The following TUB variants were observed in gnomAD, a reference collection of about 807,000 sequenced individuals.
TUB encodes tubby protein homolog.
Under a neutral mutation model 59.7 loss-of-function variants are expected in TUB, and 33 were observed. That is an observed-to-expected ratio of 0.55 (90% CI 0.42 to 0.74). The LOEUF is 0.74. TUB is among the 30% of genes least tolerant of loss of function. The pLI, the probability that TUB is intolerant of heterozygous loss-of-function variation, is 0.00. For missense variants in TUB, 659 were observed against 672.0 expected (o/e 0.98, Z 0.21); for synonymous variants, 293 against 256.4 (o/e 1.14, Z -1.36).
In TUB at chr11:8,098,919, G is replaced by A. The variant is rs750674369; in HGVS notation, c.1116+44G>A. 3 of 1,422,074 alleles carry A rather than the reference G, an allele frequency of 2.1e-6. No homozygotes were observed. In the South Asian group the frequency reaches 3.5e-5, roughly 16 times the overall value. The allele number at this position is 1,422,074 out of a possible 1,614,324, so 88.1% of individuals were successfully genotyped here. A position where few individuals can be genotyped will look rare whatever the true frequency, so the allele number is the denominator to read the frequency against. ...GGTCTCTGATTTCCAAGGTAGATAT[G>A]AAATCCAGGACTTGATGCCTGATCT... On this transcript the variant is annotated intron_variant, in intron 9 of 11. Coordinates refer to ENST00000299506, the MANE Select transcript of TUB (RefSeq NM_177972.3).
At chr11:8,094,254 T>C in intron 4 of TUB, 65 bp downstream of exon 4, 1 of 1,518,132 alleles carries the variant, frequency 6.6e-7, no homozygotes, top group South Asian at 1.3e-5. Flanking sequence ...CTGGGGAAGG[T>C]TTGTCCTCCT....
chr11:8,100,309 A>T (rs1023076398), intron 9 of TUB, among the ~76,000 whole-genome samples, 194 bp from the exon 10 acceptor site: 1 of 152,196 alleles, frequency 6.6e-6, no homozygotes, highest in African/African-American at 2.4e-5. Flanking sequence ...AGGATGACGC[A>T]TAAGAGGAGC....
At chr11:8,028,515 A>G (rs1379629916) in intron 1 of TUB, among the ~76,000 whole-genome samples, 1 of 152,216 alleles carries the variant, frequency 6.6e-6, no homozygotes, top group Non-Finnish European at 1.5e-5. Flanking sequence ...ATCCAGGACC[A>G]TGAAGATTTA....
At chr11:8,020,194 GTTGTTT>G (rs922546010) in intron 1 of TUB, among the ~76,000 whole-genome samples, 14 of 152,284 alleles carry the variant, frequency 9.2e-5, no homozygotes, top group Admixed American at 6.5e-4. Context: ...TTGTTTGTTT[GTTGTTT>G]TTAAGTTTCG....
In TUB at chr11:8,073,771, C is replaced by A. The variant is rs375676863; in HGVS notation, c.204-15839C>A. On this transcript the variant is annotated intron_variant, in intron 2 of 12. Transcript: ENST00000305253. ...TCCCCAGAGAGCTGGGCTTAGATGC[C>A]CCCTGGGCAAGTGGGCAAGAGGACT... Among the ~76,000 whole-genome samples, 6 of 152,354 alleles carry A rather than the reference C, an allele frequency of 3.9e-5. No homozygotes were observed. The South Asian group carries it at 8.3e-4, about 21-fold the overall frequency.
intron 2 of TUB, among the ~76,000 whole-genome samples, chr11:8,050,582 T>A (rs1258655228): frequency 6.6e-6 from 1 of 152,258 alleles, no homozygotes; most frequent in Non-Finnish European, 1.5e-5. Context: ...TGAGCATCTT[T>A]TCATTCATGT....
At chr11:8,080,100 C>T (rs1459674707), upstream of TUB, among the ~76,000 whole-genome samples, 1 of 152,152 alleles carries the variant, frequency 6.6e-6, no homozygotes, top group Non-Finnish European at 1.5e-5. Flanking sequence ...CAGGATGAGC[C>T]CCCTCCCTCA....
intron 1 of TUB, among the ~76,000 whole-genome samples, chr11:8,029,388 C>CT (rs71059146): frequency 0.051 from 6,327 of 123,502 alleles, 506 homozygotes; most frequent in African/African-American, 0.16. Context: ...TTCTTTCTTT[C>CT]TTTTTTTTTT....
At chr11:8,030,027 G>A (rs1045531445) in intron 1 of TUB, among the ~76,000 whole-genome samples, 4 of 152,218 alleles carry the variant, frequency 2.6e-5, no homozygotes, top group Admixed American at 2.6e-4. Flanking sequence ...TTAGAGGGCA[G>A]TGAGTGGGGG....
chr11:8,101,050 A>AG, intron 11 of TUB, 53 bp downstream of exon 11: 1 of 1,602,524 alleles, frequency 6.2e-7, no homozygotes, highest in Non-Finnish European at 8.5e-7. Context: ...CAAGGCCCTT[A>AG]GCGTAGGGTT....
exon 1 of TUB, chr11:8,038,829 C>G: frequency 6.2e-7 from 1 of 1,602,112 alleles, no homozygotes; most frequent in South Asian, 1.1e-5. Flanking sequence ...ACTATGCAGC[C>G]TGAAGTGGGA....
chr11:8,040,430 G>T (rs1313132273), intron 2 of TUB, among the ~76,000 whole-genome samples: 1 of 152,130 alleles, frequency 6.6e-6, no homozygotes, highest in Non-Finnish European at 1.5e-5. Flanking sequence ...CCAGGCCAGA[G>T]AAATGGGGGG....
In TUB at chr11:8,090,069, C is replaced by T. The variant is rs1264205538; in HGVS notation, c.91C>T (p.Arg31Trp). The T allele has an allele frequency of 7.5e-6, 12 of 1,600,016 alleles. No individual in the cohort carries two copies. Among genetic ancestry groups the T allele is most frequent in the African/African-American group, 2.7e-5 (2 of 74,642 alleles). ...TCAGCCAACCTCTGTGCCTCCATAG[C>T]GGGCCCTGCTGGAGCAGAAGCAGAA... ...NLRQQKLDRQ[R>W]ALLEQKQKKK... Residue 31 changes from arginine (R) to tryptophan (W), a missense_variant and splice_region_variant, in exon 3 of 12, where the codon CGG becomes TGG. Physicochemically the swap from Arg to Trp is moderately radical, Grantham distance 101 (BLOSUM62 -3). This residue lies in a region of TUB where 321 missense variants were observed against 304.3 expected (regional missense o/e 1.05). Transcript: ENST00000299506.
chr11:8,093,528 T>C (rs1943853198), intron 3 of TUB, among the ~76,000 whole-genome samples: 1 of 152,184 alleles, frequency 6.6e-6, no homozygotes, highest in South Asian at 2.1e-4. Context: ...TCACTGTTGG[T>C]GCCTGTAGCT....
chr11:8,085,143 C>T (rs1943641104), intron 1 of TUB, among the ~76,000 whole-genome samples: 1 of 152,234 alleles, frequency 6.6e-6, no homozygotes, highest in African/African-American at 2.4e-5. Flanking sequence ...CACCACTTTA[C>T]TTCTGGCAGC....
intron 2 of TUB, among the ~76,000 whole-genome samples, chr11:8,074,803 G>A (rs771055512): frequency 5.8e-4 from 83 of 143,012 alleles, no homozygotes; most frequent in Non-Finnish European, 1.1e-3. Flanking sequence ...CTGGAGTGCA[G>A]TGGCACAATC....
chr11:8,043,121 T>A (rs55953869), intron 2 of TUB, among the ~76,000 whole-genome samples: 25,520 of 152,142 alleles, frequency 0.17, 2,364 homozygotes, highest in African/African-American at 0.22. Context: ...TGGTGTGAGG[T>A]AGGGGTCCCA....
rs1179437940 is a variant in TUB, at chr11:8,101,561, C to T, written c.1463C>T (p.Ala488Val). 2 of 1,614,136 alleles carry T rather than the reference C, an allele frequency of 1.2e-6. No homozygotes were observed. Among genetic ancestry groups the T allele is most frequent in the Non-Finnish European group, 1.7e-6 (2 of 1,180,050 alleles). Reference protein sequence around the residue: ...FTMDYNYPLCALQAFAIALSS... With the variant: ...FTMDYNYPLCVLQAFAIALSS... ...ATGGATTACAACTACCCGCTGTGTG[C>T]ACTGCAGGCCTTTGCCATTGCCCTG... The change falls in exon 12 of 12, where the codon GCA becomes GTA. Residue 488 changes from alanine to valine, a missense_variant. Physicochemically the swap from Ala to Val is moderately conservative, Grantham distance 64. This residue lies in a region of TUB where 226 missense variants were observed against 210.8 expected (regional missense o/e 1.07). Transcript: ENST00000299506.
At chr11:8,051,583 G>A (rs997490182) in intron 2 of TUB, among the ~76,000 whole-genome samples, 2 of 152,124 alleles carry the variant, frequency 1.3e-5, no homozygotes, top group Non-Finnish European at 2.9e-5. Flanking sequence ...TTTCCAGAAA[G>A]GCTATCAATC....
Sources: allele counts gnomAD v4.1 joint callset (sites outside exome capture counted in the v4.1 genomes callset), GRCh38; gene constraint gnomAD v4.1.1; regional missense constraint gnomAD v4.1.1; transcripts MANE v1.5; gene names NCBI Gene and HGNC (gene_info 2026-07-23, HGNC 2026-07-21).